The following SGCD variants were observed in gnomAD, a reference collection of about 807,000 sequenced individuals.
SGCD encodes the protein delta-sarcoglycan.
In SGCD, 18 loss-of-function variants were observed where a neutral mutation model predicts 36.6. The ratio of observed to expected loss-of-function variants is 0.49; its 90% CI spans 0.34 to 0.73. The LOEUF (loss-of-function observed/expected upper bound fraction) is 0.73, where lower values mean the gene tolerates loss of function less well. Ranked by LOEUF, SGCD falls within the 30% of genes least tolerant of loss-of-function variation. The probability of loss-of-function intolerance (pLI) is 0.01; values close to 1 mark genes in which losing one functional copy is unlikely to be tolerated. For missense variants in SGCD, 387 were observed against 346.7 expected (o/e 1.12, Z -0.92); for synonymous variants, 133 against 130.6 (o/e 1.02, Z -0.12).
intron 3 of SGCD, among the ~76,000 whole-genome samples, chr5:156,176,189 TAGG>T (rs1763466636): frequency 6.6e-6 from 1 of 152,020 alleles, no homozygotes; most frequent in African/African-American, 2.4e-5. Flanking sequence ...CAGTACTTGC[TAGG>T]AGCATGACTG....
At chr5:156,469,307 T>C (rs1754854480) in intron 3 of SGCD, among the ~76,000 whole-genome samples, 1 of 152,228 alleles carries the variant, frequency 6.6e-6, no homozygotes, top group Non-Finnish European at 1.5e-5. Context: ...ACAAATCGTG[T>C]TATTAAACAG....
chr5:156,135,542 C>T (rs1762436386), intron 3 of SGCD, among the ~76,000 whole-genome samples: 1 of 152,176 alleles, frequency 6.6e-6, no homozygotes, highest in Non-Finnish European at 1.5e-5. Context: ...AACCTATCTG[C>T]TATTTCTGGA....
intron 1 of SGCD, among the ~76,000 whole-genome samples, chr5:156,058,127 C>T (rs1020554795): frequency 6.9e-6 from 1 of 145,878 alleles, no homozygotes; most frequent in Non-Finnish European, 1.5e-5. Context: ...GCAAAGACCA[C>T]ACCAAAACTT....
intron 7 of SGCD, among the ~76,000 whole-genome samples, chr5:156,699,716 T>G (rs1754456005): frequency 6.6e-6 from 1 of 152,176 alleles, no homozygotes; most frequent in African/African-American, 2.4e-5. Context: ...AGGTTTATAA[T>G]GACGACAAGA....
intron 3 of SGCD, among the ~76,000 whole-genome samples, chr5:156,171,698 T>C (rs1442002917): frequency 6.6e-6 from 1 of 152,212 alleles, no homozygotes; most frequent in Non-Finnish European, 1.5e-5. Flanking sequence ...TTTAAAATTC[T>C]TCTGTAAATT....
At chr5:156,715,759 G>T (rs1159503342) in intron 7 of SGCD, among the ~76,000 whole-genome samples, 2 of 152,272 alleles carry the variant, frequency 1.3e-5, no homozygotes, top group Non-Finnish European at 2.9e-5. Context: ...GGCCCCATAA[G>T]GCTGTTATGA....
chr5:156,339,857 G>T (rs370104210), intron 2 of SGCD, among the ~76,000 whole-genome samples: 64 of 152,234 alleles, frequency 4.2e-4, no homozygotes, highest in Middle Eastern at 3.4e-3. Flanking sequence ...AATCAGGAAG[G>T]ATAATATTGC....
chr5:156,674,150 A>T (rs1753415170), intron 7 of SGCD, among the ~76,000 whole-genome samples: 1 of 152,228 alleles, frequency 6.6e-6, no homozygotes. Flanking sequence ...TTTGATAGCC[A>T]TTTGTGAGAC....
intron 7 of SGCD, among the ~76,000 whole-genome samples, chr5:156,729,874 T>C (rs1208688157): frequency 6.6e-6 from 1 of 152,180 alleles, no homozygotes; most frequent in East Asian, 1.9e-4. Flanking sequence ...ATTAAAGCCA[T>C]TCCATTTAGT....
At chr5:156,406,803 TATATATATATATATATACACACAC>T (rs1279092785) in intron 3 of SGCD, among the ~76,000 whole-genome samples, 4 of 74,318 alleles carry the variant, frequency 5.4e-5, no homozygotes, top group African/African-American at 7.8e-5. Flanking sequence ...TATATATATA[TATATATATATATATATACACACAC>T]ACACACACAC....
At chr5:156,177,863 T>TA (rs1361719021) in intron 3 of SGCD, among the ~76,000 whole-genome samples, 1 of 152,162 alleles carries the variant, frequency 6.6e-6, no homozygotes, top group African/African-American at 2.4e-5. Context: ...TTTGACAAGA[T>TA]ACAGAGAAAA....
chr5:155,769,603 C>G, the SGCD span, among the ~76,000 whole-genome samples: 2 of 152,102 alleles, frequency 1.3e-5, no homozygotes, highest in Non-Finnish European at 2.9e-5. Flanking sequence ...TTCTCTCTTC[C>G]CACATCCCCC....
chr5:156,112,460 G>A (rs997260051), intron 1 of SGCD, among the ~76,000 whole-genome samples: 3 of 152,166 alleles, frequency 2.0e-5, no homozygotes, highest in Admixed American at 6.5e-5. Flanking sequence ...GTGTGCTGAG[G>A]ATGGGAAGCA....
intron 3 of SGCD, among the ~76,000 whole-genome samples, chr5:156,297,397 A>G (rs1325125364): frequency 6.6e-6 from 1 of 152,152 alleles, no homozygotes; most frequent in Non-Finnish European, 1.5e-5. Context: ...CCAAATGTCC[A>G]TCTATGATAG....
chr5:156,586,916 A>C (rs1760517815), intron 4 of SGCD, among the ~76,000 whole-genome samples: 1 of 152,030 alleles, frequency 6.6e-6, no homozygotes. Context: ...GGTACTTTAC[A>C]CATATTTTTC....
intron 1 of SGCD, among the ~76,000 whole-genome samples, chr5:155,913,311 C>T (rs1756668105): frequency 6.6e-6 from 1 of 152,140 alleles, no homozygotes; most frequent in Non-Finnish European, 1.5e-5. Flanking sequence ...AAATGACTTG[C>T]ATGATTTCAT....
At chr5:156,148,029 C>A (rs1373760967) in intron 3 of SGCD, among the ~76,000 whole-genome samples, 1 of 152,166 alleles carries the variant, frequency 6.6e-6, no homozygotes, top group Non-Finnish European at 1.5e-5. Context: ...TTGCTAAAGC[C>A]TATAATCATA....
intron 3 of SGCD, among the ~76,000 whole-genome samples, chr5:156,498,564 T>C (rs1185052517): frequency 1.3e-5 from 2 of 152,238 alleles, no homozygotes; most frequent in African/African-American, 2.4e-5. Context: ...ATCATAATTT[T>C]TGAGGTTTGT....
At chr5:156,670,888 A>C (rs1219397657) in intron 7 of SGCD, among the ~76,000 whole-genome samples, 1 of 152,138 alleles carries the variant, frequency 6.6e-6, no homozygotes, top group Non-Finnish European at 1.5e-5. Context: ...ATTTCAAAGC[A>C]ATAGCATTCA....
Sources: gnomAD v4.1 joint callset for allele counts (sites outside exome capture counted in the v4.1 genomes callset) on GRCh38, gnomAD v4.1.1 for gene constraint, MANE v1.5 for transcripts, NCBI Gene and HGNC (gene_info 2026-07-23, HGNC 2026-07-21) for gene names.